Variants in SVEP1 observed in about 807,000 individuals in gnomAD.
SVEP1 encodes the protein sushi, von Willebrand factor type A, EGF and pentraxin domain containing 1, also known as sushi, von Willebrand factor type A, EGF and pentraxin domain-containing protein 1.
A neutral mutation model predicts 367.3 loss-of-function variants in SVEP1; 164 were observed. The ratio of observed to expected loss-of-function variants is 0.45; its 90% confidence interval spans 0.39 to 0.51. The LOEUF is 0.51. Among genes scored for constraint, SVEP1 ranks in the 20% least tolerant of loss-of-function variants. The pLI is 0.00. For missense variants in SVEP1, 4,117 were observed against 4,425.3 expected (o/e 0.93, Z 1.98); for synonymous variants, 1,666 against 1,611.6 (o/e 1.03, Z -0.81).
intron 6 of SVEP1, among the ~76,000 whole-genome samples, chr9:110,499,798 A>G (rs1343250583): frequency 6.6e-6 from 1 of 152,238 alleles, no homozygotes. Context: ...AATCAAGGCT[A>G]GGACTTAATA....
At chr9:110,430,034 T>C in intron 33 of SVEP1, 30 bp from the exon 34 acceptor site, 1 of 1,601,278 alleles carries the variant, frequency 6.2e-7, no homozygotes, top group East Asian at 2.2e-5. Context: ...ACACGTGACT[T>C]TTTTGAGACT....
At chr9:110,509,577 G>C (rs904686154) in intron 5 of SVEP1, among the ~76,000 whole-genome samples, 1 of 152,170 alleles carries the variant, frequency 6.6e-6, no homozygotes, top group Non-Finnish European at 1.5e-5. Flanking sequence ...GTTGTGTGAT[G>C]ATGGCTCACT....
At chr9:110,451,246 T>C in intron 23 of SVEP1, 43 bp downstream of exon 23, 1 of 1,506,472 alleles carries the variant, frequency 6.6e-7, no homozygotes, top group Non-Finnish European at 9.2e-7. Context: ...TGTGGTGGTT[T>C]ACAAGATTTT....
intron 35 of SVEP1, among the ~76,000 whole-genome samples, chr9:110,428,127 C>T (rs1025205519): frequency 1.3e-5 from 2 of 152,060 alleles, no homozygotes; most frequent in Non-Finnish European, 2.9e-5. Context: ...ACCTAAGTAG[C>T]CAGGAAATCA....
Position 110,454,381 on chromosome 9 carries a change from A to T in SVEP1, c.3787+1209T>A, listed in dbSNP as rs777835553. 2.0e-5 allele frequency among the ~76,000 whole-genome samples: 3 copies of T among 152,130 alleles called. No homozygotes were observed. In the South Asian group the frequency reaches 6.2e-4, roughly 32 times the overall value. ...ATCTTTAATCCAAGTTAATTTTTGT[A>T]TATGGTGAAAGGCTGGGGTTCAGTT... On this transcript the variant is annotated intron_variant, in intron 22 of 47. Transcript: ENST00000374469.
chr9:110,550,143 G>T (rs979792249), intron 1 of SVEP1, 39 bp from the exon 2 acceptor site: 1 of 1,607,472 alleles, frequency 6.2e-7, no homozygotes, highest in African/African-American at 1.3e-5. Flanking sequence ...AGTGTGTACT[G>T]TCTTGCCTAC....
chr9:110,416,982 A>G (rs1828131917), intron 36 of SVEP1, among the ~76,000 whole-genome samples: 1 of 152,190 alleles, frequency 6.6e-6, no homozygotes, highest in East Asian at 1.9e-4. Context: ...ATGTCCTTGG[A>G]GGGCAATATT....
intron 43 of SVEP1, among the ~76,000 whole-genome samples, chr9:110,384,567 T>C (rs1187230201): frequency 1.3e-5 from 2 of 150,442 alleles, no homozygotes; most frequent in Non-Finnish European, 3.0e-5. Context: ...ATCTTCCTAT[T>C]AGGAAATATT....
Position 110,514,107 on chromosome 9 carries a change from C to CTGTG in SVEP1, c.965-5_965-2dup, listed in dbSNP as rs1419237913. ...GGTTTGTATGTCCCCGATGGGCAAG[C>CTGTG]TGTGGGCAGACAAGCCGGAGAAGTC... On this transcript the variant is annotated splice_acceptor_variant, in intron 3 of 47. Coordinates refer to ENST00000374469, the MANE Select transcript of SVEP1 (RefSeq NM_153366.4). LOFTEE classifies it high-confidence loss of function. 6.2e-7 allele frequency: 1 copy of CTGTG among 1,607,920 alleles called. No individual in the cohort carries two copies. Among genetic ancestry groups the CTGTG allele is most frequent in the African/African-American group, 1.3e-5 (1 of 74,844 alleles).
At chr9:110,499,352 G>T in intron 6 of SVEP1, 114 bp from the exon 7 acceptor site, 7 of 934,368 alleles carry the variant, frequency 7.5e-6, no homozygotes, top group South Asian at 1.8e-5. Flanking sequence ...TACGTAAATT[G>T]CTAAATGATA....
intron 22 of SVEP1, 63 bp downstream of exon 22, chr9:110,455,527 C>T: frequency 8.2e-7 from 1 of 1,213,460 alleles, no homozygotes; most frequent in Non-Finnish European, 1.2e-6. Context: ...AAATTTATCT[C>T]AGTGATGAAA....
At chr9:110,384,684 A>G (rs186492901) in intron 43 of SVEP1, among the ~76,000 whole-genome samples, 1 of 151,624 alleles carries the variant, frequency 6.6e-6, no homozygotes, top group South Asian at 2.1e-4. Flanking sequence ...TCAGACTCAG[A>G]GAAGTAAGGC....
intron 1 of SVEP1, among the ~76,000 whole-genome samples, chr9:110,558,249 G>A (rs557256197): frequency 6.8e-6 from 1 of 146,874 alleles, no homozygotes; most frequent in South Asian, 2.2e-4. Context: ...GCTCACACCT[G>A]TAATCCCAGC....
chr9:110,443,355 G>A, intron 27 of SVEP1, 190 bp downstream of exon 27: 1 of 466,396 alleles, frequency 2.1e-6, no homozygotes, highest in Non-Finnish European at 3.6e-6. Context: ...ACACAGAGAG[G>A]CAAACAGCTT....
intron 3 of SVEP1, among the ~76,000 whole-genome samples, chr9:110,517,751 T>TAAAAA (rs5899902): frequency 4.0e-5 from 2 of 50,532 alleles, no homozygotes; most frequent in African/African-American, 8.2e-5. Context: ...ACCTGGCTCT[T>TAAAAA]AAAAAAAAAA....
At chr9:110,406,095 A>G in intron 38 of SVEP1, 65 bp downstream of exon 38, 1 of 1,494,380 alleles carries the variant, frequency 6.7e-7, no homozygotes, top group Non-Finnish European at 8.9e-7. Flanking sequence ...AAAATTTTTG[A>G]TCGATCACAT....
intron 5 of SVEP1, 58 bp from the exon 6 acceptor site, chr9:110,503,275 T>C: frequency 1.3e-6 from 2 of 1,533,250 alleles, no homozygotes; most frequent in Non-Finnish European, 1.8e-6. Context: ...AAAATAATAA[T>C]TACAAGTTTA....
At chr9:110,457,397 T>A (rs1372597129) in intron 20 of SVEP1, 45 bp from the exon 21 acceptor site, 1 of 1,468,782 alleles carries the variant, frequency 6.8e-7, no homozygotes, top group Admixed American at 1.8e-5. Context: ...AGCACTCTAT[T>A]TATTTCAAAG....
At chr9:110,455,546 A>C in intron 22 of SVEP1, 44 bp downstream of exon 22, 1 of 1,419,200 alleles carries the variant, frequency 7.0e-7, no homozygotes, top group Non-Finnish European at 9.8e-7. Flanking sequence ...AATGTTAATG[A>C]TTCAAAGATT....
Sources: gnomAD v4.1 joint callset for allele counts (sites outside exome capture counted in the v4.1 genomes callset) on GRCh38, gnomAD v4.1.1 for gene constraint, MANE v1.5 for transcripts, NCBI Gene and HGNC (gene_info 2026-07-23, HGNC 2026-07-21) for gene names.